Variants in PUM3 observed in about 807,000 individuals in gnomAD.
PUM3 encodes the protein pumilio RNA binding family member 3.
A neutral mutation model predicts 84.0 loss-of-function variants in PUM3; 91 were observed. That is an observed-to-expected ratio of 1.08 (90% CI 0.91 to 1.29). PUM3 has a LOEUF of 1.29. PUM3 is among the 50% of genes most tolerant of loss of function. PUM3 has a pLI of 0.00. For missense variants in PUM3, 1,067 were observed against 767.5 expected, an observed-to-expected ratio of 1.39 and a Z score of -4.61; for synonymous variants, 321 against 266.7, an observed-to-expected ratio of 1.20 and a Z score of -1.98.
In PUM3 at chr9:2,817,422, G is replaced by A. The variant is rs77646255; in HGVS notation, c.1269+2596C>T. On this transcript the variant is annotated intron_variant, in intron 13 of 17. Transcript: ENST00000397885. Reference sequence around the variant, plus strand: ...CAAAATGCACAAGAATACATGATAGGACCATATATACCCCACAAAGGCTAA... The same window carrying A: ...CAAAATGCACAAGAATACATGATAGAACCATATATACCCCACAAAGGCTAA... Among the ~76,000 whole-genome samples the A allele has an allele frequency of 8.9e-4, 136 of 152,132 alleles. 3 individuals are homozygous for A. In the East Asian group the frequency reaches 0.022, roughly 25 times the overall value.
At chr9:2,828,123 A>G (rs573241080) in intron 9 of PUM3, among the ~76,000 whole-genome samples, 54 of 152,256 alleles carry the variant, frequency 3.5e-4, no homozygotes, top group African/African-American at 1.2e-3. Flanking sequence ...CACTGCAGCC[A>G]TGACCTCCTG....
chr9:2,817,712 G>A (rs1347968350), intron 13 of PUM3, among the ~76,000 whole-genome samples: 1 of 152,188 alleles, frequency 6.6e-6, no homozygotes, highest in Non-Finnish European at 1.5e-5. Context: ...AGGATATCAG[G>A]GATGGGTACA....
chr9:2,831,269 C>T lies in PUM3; in HGVS notation c.592G>A (p.Ala198Thr). 1 of 1,602,018 alleles carries T rather than the reference C, an allele frequency of 6.2e-7. No individual in the cohort carries two copies. The highest frequency in any genetic ancestry group is 8.5e-7 in the Non-Finnish European group (1 of 1,171,630). The change falls in exon 6 of 18, where the codon GCT (alanine) becomes ACT (threonine). Residue 198 changes from alanine (A) to threonine (T), a missense_variant. By Grantham distance (58) the Ala-to-Thr change is moderately conservative. Transcript: ENST00000397885. ...TAAATACCTCGCAATTCTTCAAAAG[C>T]CTGTTTTCTCTGTTCTTCATTACCA... The part of the protein sequence containing the change: ...QYGNEEQRKQ[A>T]FEELRDDLVE...
chr9:2,836,456 G>T (rs996323138), intron 3 of PUM3, among the ~76,000 whole-genome samples: 8 of 152,140 alleles, frequency 5.3e-5, no homozygotes, highest in Non-Finnish European at 8.8e-5. Context: ...CAAAGTTCTG[G>T]GTTAGAAATG....
At chr9:2,834,187 T>A (rs746518823) in intron 3 of PUM3, 21 bp from the exon 4 acceptor site, 2 of 1,599,884 alleles carry the variant, frequency 1.3e-6, no homozygotes. Context: ...TAGAAATTAT[T>A]TTCAATTACA....
intron 17 of PUM3, among the ~76,000 whole-genome samples, chr9:2,806,641 T>C (rs1055711708): frequency 6.6e-6 from 1 of 152,228 alleles, no homozygotes; most frequent in Non-Finnish European, 1.5e-5. Context: ...AAGGTTTTCA[T>C]CTGCACAGAG....
At chr9:2,837,470 C>T in intron 2 of PUM3, 69 bp from the exon 3 acceptor site, 1 of 1,023,070 alleles carries the variant, frequency 9.8e-7, no homozygotes, top group Non-Finnish European at 1.4e-6. Context: ...TGGATTATAT[C>T]CATTACAGAA....
Position 2,811,474 on chromosome 9 carries a change from A to G in PUM3, c.1522T>C (p.Cys508Arg), listed in dbSNP as rs1316872181. 2 of 1,613,972 alleles carry G rather than the reference A, an allele frequency of 1.2e-6. No homozygotes were observed. The highest frequency in any genetic ancestry group is 1.3e-5 in the African/African-American group (1 of 74,882). Reference protein sequence around the residue: ...AQEVVLDKSACVLVSDILGSA... With the variant: ...AQEVVLDKSARVLVSDILGSA... ...CCCAGAATGTCAGACACCAACACAC[A>G]CGCAGACTTATCTAGCACCACTTCT... is the stretch of plus-strand genomic sequence containing the variant. The change falls in exon 15 of 18, where the codon TGT (cysteine) becomes CGT (arginine). Residue 508 changes from cysteine to arginine, a missense_variant. Transcript: ENST00000397885.
Position 2,820,000 on chromosome 9 carries a change from A to T in PUM3, c.1269+18T>A. Reference sequence around the variant, plus strand: ...TTTATCGATGTAACTTAAATTCAAGACCATCAGGATTACTTACTGATATGA... The same window carrying T: ...TTTATCGATGTAACTTAAATTCAAGTCCATCAGGATTACTTACTGATATGA... On this transcript the variant is annotated intron_variant, in intron 13 of 17. Coordinates refer to ENST00000397885, the MANE Select transcript of PUM3 (RefSeq NM_014878.5). 2.6e-6 allele frequency: 4 copies of T among 1,520,932 alleles called. No individual in the cohort carries two copies. The highest frequency in any genetic ancestry group is 3.6e-6 in the Non-Finnish European group (4 of 1,097,038). The allele number at this position is 1,520,932 out of a possible 1,614,324, so 94.2% of individuals were successfully genotyped here. A position where few individuals can be genotyped will look rare whatever the true frequency, so the allele number is the denominator to read the frequency against.
chr9:2,840,902 G>C lies in PUM3; in HGVS notation c.-10-2385C>G, dbSNP rs1364960304. Among the ~76,000 whole-genome samples the C allele has an allele frequency of 2.0e-5, 3 of 152,190 alleles. No individual in the cohort carries two copies. In the East Asian group the frequency reaches 5.8e-4, roughly 29 times the overall value. ...CAAGATCTGAGTGCTAGGCGCACTT[G>C]TTGTCACTGAGGTGTCCCTGTTTCT... On this transcript the variant is annotated intron_variant, in intron 1 of 17. Transcript: ENST00000397885.
At chr9:2,831,711 G>C (rs974168360) in intron 5 of PUM3, among the ~76,000 whole-genome samples, 1 of 152,084 alleles carries the variant, frequency 6.6e-6, no homozygotes, top group African/African-American at 2.4e-5. Context: ...TGTTTAAAAG[G>C]TCTGTTACTG....
intron 13 of PUM3, among the ~76,000 whole-genome samples, chr9:2,815,218 T>C (rs1821447307): frequency 6.6e-6 from 1 of 152,218 alleles, no homozygotes; most frequent in South Asian, 2.1e-4. Context: ...CTTCAAAATG[T>C]AGTATCATTT....
chr9:2,828,965 T>C (rs1402296194), intron 8 of PUM3, among the ~76,000 whole-genome samples, 187 bp from the exon 9 acceptor site: 1 of 152,256 alleles, frequency 6.6e-6, no homozygotes. Context: ...AGTCTGTGTA[T>C]CTATCAGTGC....
chr9:2,812,870 T>A (rs78156980), intron 13 of PUM3, among the ~76,000 whole-genome samples: 2,715 of 152,334 alleles, frequency 0.018, 27 homozygotes, highest in Middle Eastern at 0.058. Context: ...CTGAGGTCAC[T>A]GAGTAGAGGC....
chr9:2,823,843 G>C lies in PUM3; in HGVS notation c.1135-9C>G, dbSNP rs1200271615. The stretch of plus-strand genomic sequence containing the variant: ...ACAATCACTTTCCTGTCCTTAAAAA[G>C]GAAAGATTGTCTCACTGAATTTTCA... On this transcript the variant is annotated splice_polypyrimidine_tract_variant and intron_variant, in intron 11 of 17. Coordinates refer to ENST00000397885, the MANE Select transcript of PUM3 (RefSeq NM_014878.5). 7 of 1,493,348 alleles carry C rather than the reference G, an allele frequency of 4.7e-6. No homozygotes were observed. Among genetic ancestry groups the C allele is most frequent in the East Asian group, 2.3e-5 (1 of 42,836 alleles). The allele number at this position is 1,493,348 out of a possible 1,614,324, so 92.5% of individuals were successfully genotyped here. A position where few individuals can be genotyped will look rare whatever the true frequency, so the allele number is the denominator to read the frequency against.
At chr9:2,841,750 C>G (rs1034430523) in intron 1 of PUM3, among the ~76,000 whole-genome samples, 1 of 151,276 alleles carries the variant, frequency 6.6e-6, no homozygotes, top group African/African-American at 2.4e-5. Flanking sequence ...ATCAGCCCTT[C>G]GGCCCCTCAC....
chr9:2,838,610 A>G (rs1816193710), intron 1 of PUM3, 93 bp from the exon 2 acceptor site: 1 of 765,842 alleles, frequency 1.3e-6, no homozygotes, highest in East Asian at 2.5e-5. Context: ...TTAGTCCTTC[A>G]GTCTACAAAT....
At chr9:2,829,247 T>C (rs930548133) in intron 8 of PUM3, among the ~76,000 whole-genome samples, 1 of 152,218 alleles carries the variant, frequency 6.6e-6, no homozygotes, top group Non-Finnish European at 1.5e-5. Flanking sequence ...GTTCCAAGGT[T>C]TGAAATAGAT....
intron 3 of PUM3, among the ~76,000 whole-genome samples, chr9:2,836,151 A>G (rs1010014591): frequency 2.0e-5 from 3 of 152,048 alleles, no homozygotes; most frequent in African/African-American, 7.2e-5. Context: ...CTCTCTCCCT[A>G]CCTCCTTGTC....
Sources: gnomAD v4.1 joint callset for allele counts (sites outside exome capture counted in the v4.1 genomes callset) on GRCh38, gnomAD v4.1.1 for gene constraint, MANE v1.5 for transcripts, NCBI Gene and HGNC (gene_info 2026-07-23, HGNC 2026-07-21) for gene names.